The following F11 variants were observed in gnomAD, a reference collection of about 807,000 sequenced individuals.
F11 encodes the protein coagulation factor XI.
F11 carries 78 observed loss-of-function variants against 76.5 expected under a neutral mutation model. That is an observed-to-expected ratio of 1.02 (90% CI 0.85 to 1.23). F11 has a LOEUF of 1.23. Among genes scored for constraint, F11 ranks in the 50% most tolerant of loss-of-function variants. The pLI, the probability that F11 is intolerant of heterozygous loss-of-function variation, is 0.00. For missense variants in F11, 742 were observed against 771.4 expected, an observed-to-expected ratio of 0.96 and a Z score of 0.45; for synonymous variants, 278 against 276.3, an observed-to-expected ratio of 1.01 and a Z score of -0.06.
Position 186,276,115 on chromosome 4 carries a change from T to C in F11, c.596-116T>C. 4 of 1,248,774 alleles carry C rather than the reference T, an allele frequency of 3.2e-6. No individual in the cohort carries two copies. The South Asian group carries it at 5.5e-5, about 17-fold the overall frequency. The allele number at this position is 1,248,774 out of a possible 1,614,324, so 77.4% of individuals were successfully genotyped here. On this transcript the variant is annotated intron_variant, in intron 6 of 14. Transcript: ENST00000403665. ...CCATTTTCTTCTAAATAAAAAAAAA[T>C]TAAAAGATCTTGGGATACACTTAAA...
intron 7 of F11, among the ~76,000 whole-genome samples, chr4:186,279,109 G>T (rs1413076016): frequency 6.6e-6 from 1 of 152,218 alleles, no homozygotes; most frequent in East Asian, 1.9e-4. Flanking sequence ...AACTGGCTGG[G>T]TGCAGTGGCT....
At chr4:186,286,626 A>C in intron 13 of F11, 116 bp downstream of exon 13, 1 of 1,545,902 alleles carries the variant, frequency 6.5e-7, no homozygotes, top group Non-Finnish European at 8.7e-7. Flanking sequence ...AGTTGCAGGA[A>C]GCGGATTAAT....
In F11 at chr4:186,276,382, A is replaced by T; in HGVS notation, c.747A>T (p.Glu249Asp). ...FTFFSQEWPK[E>D]SQRNLCLLKT... ...TCTTTTCCCAGGAATGGCCCAAAGAATCTCAAAGGTAAGGAGTTAACAAGT... is the reference window on the plus strand; with the variant it reads ...TCTTTTCCCAGGAATGGCCCAAAGATTCTCAAAGGTAAGGAGTTAACAAGT... Residue 249 changes from glutamate to aspartate, a missense_variant, in exon 7 of 15, where the codon GAA becomes GAT. Coordinates refer to ENST00000403665, the MANE Select transcript of F11 (RefSeq NM_000128.4). 1 of 1,614,072 alleles carries T rather than the reference A, an allele frequency of 6.2e-7. No individual in the cohort carries two copies. The highest frequency in any genetic ancestry group is 8.5e-7 in the Non-Finnish European group (1 of 1,180,004).
intron 2 of F11, among the ~76,000 whole-genome samples, 155 bp from the exon 3 acceptor site, chr4:186,271,454 T>A (rs1010810127): frequency 6.6e-6 from 1 of 152,256 alleles, no homozygotes; most frequent in South Asian, 2.1e-4. Flanking sequence ...GTTCATTCAA[T>A]AAACTCACAT....
chr4:186,271,805 A>T, intron 3 of F11, 34 bp downstream of exon 3: 1 of 1,610,576 alleles, frequency 6.2e-7, no homozygotes, highest in Non-Finnish European at 8.5e-7. Flanking sequence ...GAGGAGACAG[A>T]TTTTTAAAGG....
chr4:186,274,835 T>C (rs935966132), intron 5 of F11: 2 of 174,342 alleles, frequency 1.1e-5, no homozygotes, highest in African/African-American at 4.8e-5. Context: ...TTAATTTGTA[T>C]ATTCAGAAAT....
chr4:186,285,313 A>G (rs1311639487), intron 11 of F11, among the ~76,000 whole-genome samples: 1 of 151,756 alleles, frequency 6.6e-6, no homozygotes, highest in Non-Finnish European at 1.5e-5. Context: ...GACTGAGTCC[A>G]GCGGTCTTCG....
At chr4:186,283,378 C>T (rs1264906013) in intron 10 of F11, among the ~76,000 whole-genome samples, 3 of 152,070 alleles carry the variant, frequency 2.0e-5, no homozygotes, top group South Asian at 2.1e-4. Context: ...AAATAGAGGG[C>T]ACTGTCCTGT....
rs757605876 is a variant in F11, at chr4:186,285,599, G to A, written c.1305-39G>A. 4.4e-6 allele frequency: 7 copies of A among 1,598,598 alleles called. No homozygotes were observed. In the African/African-American group the frequency reaches 6.7e-5, roughly 15 times the overall value. The stretch of plus-strand genomic sequence containing the variant: ...TCACAATGTCTGGGAATTATTTTTA[G>A]TAAAGGAAATTTCTTTCCCTCTGTT... On this transcript the variant is annotated intron_variant, in intron 11 of 14. Transcript: ENST00000403665.
chr4:186,275,929 C>T, intron 6 of F11, 33 bp downstream of exon 6: 1 of 1,484,732 alleles, frequency 6.7e-7, no homozygotes, highest in South Asian at 1.2e-5. Flanking sequence ...TGTAATTCAA[C>T]CATTAAATAT....
At chr4:186,271,499 C>T (rs767337189) in intron 2 of F11, 110 bp from the exon 3 acceptor site, 24 of 1,185,226 alleles carry the variant, frequency 2.0e-5, no homozygotes, top group East Asian at 4.7e-5. Context: ...CAAATTCAGG[C>T]GTATTTCCTG....
chr4:186,286,230 C>G, intron 12 of F11, 185 bp from the exon 13 acceptor site: 2 of 602,436 alleles, frequency 3.3e-6, no homozygotes, highest in Non-Finnish European at 3.0e-6. Context: ...TCTCTCTCGC[C>G]CTCTCATCCT....
chr4:186,267,270 CACCATTT>C, intron 2 of F11, 79 bp downstream of exon 2: 13 of 904,518 alleles, frequency 1.4e-5, no homozygotes, highest in Non-Finnish European at 1.9e-5. Flanking sequence ...GAGAATCCCA[CACCATTT>C]ATGCCGGGAA....
intron 2 of F11, among the ~76,000 whole-genome samples, chr4:186,267,902 A>T (rs561859384): frequency 1.5e-4 from 23 of 152,348 alleles, no homozygotes; most frequent in Admixed American, 7.2e-4. Flanking sequence ...ATTCCACTTA[A>T]TATATTAAAT....
chr4:186,285,367 C>A (rs1037813089), intron 11 of F11, among the ~76,000 whole-genome samples: 1 of 150,524 alleles, frequency 6.6e-6, no homozygotes, highest in African/African-American at 2.4e-5. Flanking sequence ...CGTGTGTGTG[C>A]GTGTCTGTGT....
intron 2 of F11, among the ~76,000 whole-genome samples, 186 bp from the exon 3 acceptor site, chr4:186,271,422 AT>A (rs1211457149): frequency 2.6e-5 from 4 of 152,250 alleles, no homozygotes; most frequent in African/African-American, 9.6e-5. Flanking sequence ...CCATTTTGTG[AT>A]TTTCGTTTCC....
chr4:186,273,787 A>T (rs1303445800), intron 4 of F11, among the ~76,000 whole-genome samples: 1 of 152,228 alleles, frequency 6.6e-6, no homozygotes, highest in Non-Finnish European at 1.5e-5. Flanking sequence ...AGGAGCAAAT[A>T]TAAAGGTTGA....
Position 186,287,680 on chromosome 4 carries a change from T to G in F11, c.1577-4T>G. The G allele has an allele frequency of 6.2e-7, 1 of 1,608,446 alleles. No individual in the cohort carries two copies. Among genetic ancestry groups the G allele is most frequent in the Non-Finnish European group, 8.5e-7 (1 of 1,176,690 alleles). Reference sequence around the variant, plus strand: ...TACAAACGAACCAAAAAAATTTTTTTCAGACAAAATACAAAATACTCTCCA... The same window carrying G: ...TACAAACGAACCAAAAAAATTTTTTGCAGACAAAATACAAAATACTCTCCA... On this transcript the variant is annotated splice_region_variant and splice_polypyrimidine_tract_variant and intron_variant, in intron 13 of 14. Transcript: ENST00000403665.
chr4:186,279,146 A>G (rs1370707439), intron 7 of F11, among the ~76,000 whole-genome samples: 1 of 152,192 alleles, frequency 6.6e-6, no homozygotes, highest in Admixed American at 6.5e-5. Context: ...GCACTTTGGG[A>G]GGCCGAGGCG....
Sources: allele counts gnomAD v4.1 joint callset (sites outside exome capture counted in the v4.1 genomes callset), GRCh38; gene constraint gnomAD v4.1.1; transcripts MANE v1.5; gene names NCBI Gene and HGNC (gene_info 2026-07-23, HGNC 2026-07-21).